Variants in RFTN1 observed in about 807,000 individuals in gnomAD.
The protein encoded by RFTN1 is raftlin, lipid raft linker 1.
A neutral mutation model predicts 46.5 loss-of-function variants in RFTN1; 26 were observed. That is an observed-to-expected ratio of 0.56 (90% CI 0.41 to 0.78). The LOEUF (loss-of-function observed/expected upper bound fraction) is 0.78, where lower values mean the gene tolerates loss of function less well. RFTN1 is among the 30% of genes least tolerant of loss of function. The probability of loss-of-function intolerance (pLI) is 0.00; values close to 1 mark genes in which losing one functional copy is unlikely to be tolerated. For missense variants in RFTN1, 693 were observed against 718.7 expected, an observed-to-expected ratio of 0.96 and a Z score of 0.41; for synonymous variants, 261 against 284.2, an observed-to-expected ratio of 0.92 and a Z score of 0.82.
rs1559843766 is a variant in RFTN1, at chr3:16,345,832, GCGCA to G, written c.1146+12096_1146+12099del. 7.7e-4 allele frequency among the ~76,000 whole-genome samples: 49 copies of G among 63,938 alleles called. No individual in the cohort carries two copies. The highest frequency in any genetic ancestry group is 2.5e-3 in the African/African-American group (39 of 15,626). 41.9% of individuals were successfully genotyped at this position (63,938 alleles called of 152,430 possible). A position where few individuals can be genotyped will look rare whatever the true frequency, so the allele number is the denominator to read the frequency against. On this transcript the variant is annotated intron_variant, in intron 7 of 9. Transcript: ENST00000334133. The surrounding 1 kb of genome is among the most constrained non-coding windows in gnomAD (Gnocchi z 5.2). The stretch of plus-strand genomic sequence containing the variant: ...TGTGTGTGTGTGCGCGCGCGCGTGC[GCGCA>G]CGCGCACATGTGCATGTGTATGTGT...
chr3:16,507,681 A>G lies in RFTN1; in HGVS notation c.-9+5761T>C, dbSNP rs905971286. ...ACATACATACACACACAATGCACAT[A>G]AACACACACATACACACACATACAT... is the stretch of plus-strand genomic sequence containing the variant. On this transcript the variant is annotated intron_variant, in intron 1 of 9. Transcript: ENST00000334133. This position sits in a 1 kb window ranked among gnomAD's most constrained non-coding sequence, Gnocchi z 7.1. 6.6e-6 allele frequency among the ~76,000 whole-genome samples: 1 copy of G among 151,482 alleles called. No individual in the cohort carries two copies. Among genetic ancestry groups the G allele is most frequent in the Non-Finnish European group, 1.5e-5 (1 of 67,830 alleles).
At chr3:16,437,121 T>C (rs1435282250) in intron 2 of RFTN1, among the ~76,000 whole-genome samples, 2 of 152,238 alleles carry the variant, frequency 1.3e-5, no homozygotes, top group African/African-American at 2.4e-5. Flanking sequence ...TTCACACAGA[T>C]AGCACATATT....
intron 8 of RFTN1, among the ~76,000 whole-genome samples, chr3:16,323,846 C>T (rs556917883): frequency 2.6e-5 from 4 of 152,186 alleles, no homozygotes; most frequent in Non-Finnish European, 5.9e-5. Context: ...GTGATGAGCT[C>T]AGCCCTCCAG....
rs1291581965 is a variant in RFTN1, at chr3:16,459,996, CAT to C, written c.146-25961_146-25960del. ...GACATTTTTGAGAACATGAATTTTC[CAT>C]ATGATTGACTTATTTCAATGCTTTG... is the stretch of plus-strand genomic sequence containing the variant. On this transcript the variant is annotated intron_variant, in intron 2 of 9. Coordinates refer to ENST00000334133, the MANE Select transcript of RFTN1 (RefSeq NM_015150.2). This position sits in a 1 kb window ranked among gnomAD's most constrained non-coding sequence, Gnocchi z 4.2. Among the ~76,000 whole-genome samples the C allele has an allele frequency of 1.3e-5, 2 of 152,022 alleles. No individual in the cohort carries two copies. Among genetic ancestry groups the C allele is most frequent in the Non-Finnish European group, 2.9e-5 (2 of 68,002 alleles).
rs188125805 is a variant in RFTN1 at position 16,383,042 on chromosome 3, T to C, written c.442-4940A>G. 1.6e-3 allele frequency among the ~76,000 whole-genome samples: 249 copies of C among 152,310 alleles called. No individual in the cohort carries two copies. The highest frequency in any genetic ancestry group is 5.7e-3 in the African/African-American group (238 of 41,580). On this transcript the variant is annotated intron_variant, in intron 4 of 9. Transcript: ENST00000334133. The surrounding 1 kb of genome is among the most constrained non-coding windows in gnomAD (Gnocchi z 4.0). ...AGCTCTTCTACAAAGAACTTTCACATGCATTCCCTTAGGCCTCAAAATCAT... is the reference window on the plus strand; with the variant it reads ...AGCTCTTCTACAAAGAACTTTCACACGCATTCCCTTAGGCCTCAAAATCAT...
At chr3:16,412,885 G>A (rs992516281) in intron 3 of RFTN1, among the ~76,000 whole-genome samples, 3 of 152,206 alleles carry the variant, frequency 2.0e-5, no homozygotes, top group Admixed American at 6.5e-5. Flanking sequence ...ACAACTACAA[G>A]GAGATGATTC....
chr3:16,345,792 G>C lies in RFTN1; in HGVS notation c.1146+12140C>G, dbSNP rs12635694. ...CCAAAACCTTATAATAAATCTCTGT[G>C]TGTGTGTGTGTGTGTGTGTGTGTGT... On this transcript the variant is annotated intron_variant, in intron 7 of 9. Coordinates refer to ENST00000334133, the MANE Select transcript of RFTN1 (RefSeq NM_015150.2). This position sits in a 1 kb window ranked among gnomAD's most constrained non-coding sequence, Gnocchi z 5.2. Among the ~76,000 whole-genome samples, 1,140 of 64,000 alleles carry C rather than the reference G, an allele frequency of 0.018. 7 individuals are homozygous for C. The highest frequency in any genetic ancestry group is 0.067 in the African/African-American group (886 of 13,270). 42.0% of individuals were successfully genotyped at this position (64,000 alleles called of 152,430 possible).
At chr3:16,326,989 C>T in intron 7 of RFTN1, 113 bp from the exon 8 acceptor site, 2 of 733,688 alleles carry the variant, frequency 2.7e-6, no homozygotes, top group Non-Finnish European at 4.5e-6. Flanking sequence ...GTGGCGGTGC[C>T]CGGCCACTCA....
chr3:16,510,740 T>A (rs2076885099), intron 1 of RFTN1, among the ~76,000 whole-genome samples: 1 of 152,180 alleles, frequency 6.6e-6, no homozygotes, highest in African/African-American at 2.4e-5. Flanking sequence ...TTTCCATATA[T>A]CTCCTTTTTG....
chr3:16,422,041 T>A lies in RFTN1; in HGVS notation c.332+11810A>T, dbSNP rs570591278. Among the ~76,000 whole-genome samples the A allele has an allele frequency of 2.0e-5, 3 of 152,272 alleles. No homozygotes were observed. The highest frequency in any genetic ancestry group is 2.1e-4 in the South Asian group (1 of 4,824). On this transcript the variant is annotated intron_variant, in intron 3 of 9. Coordinates refer to ENST00000334133, the MANE Select transcript of RFTN1 (RefSeq NM_015150.2). This position sits in a 1 kb window ranked among gnomAD's most constrained non-coding sequence, Gnocchi z 4.6. ...TCTCTCTCCTAATTTTTCAATAAAA[T>A]ATATAAAAATAGACACCTCAGTTCT...
At chr3:16,441,405 G>A (rs2075622049) in intron 2 of RFTN1, among the ~76,000 whole-genome samples, 1 of 148,430 alleles carries the variant, frequency 6.7e-6, no homozygotes, top group Non-Finnish European at 1.5e-5. Flanking sequence ...AGTAAATTTT[G>A]TTTTTGCTAT....
intron 3 of RFTN1, among the ~76,000 whole-genome samples, chr3:16,415,587 C>A (rs1227959251): frequency 1.3e-5 from 2 of 151,450 alleles, no homozygotes; most frequent in Admixed American, 6.6e-5. Context: ...ATTAATGTAG[C>A]AAGAGAAGGG....
At position 16,400,338 on chromosome 3, in the gene RFTN1, G is replaced by T. The variant is rs540481253; in HGVS notation, c.441+9037C>A. ...ACCCTCCCTCCCCTGTTGACCCTCAGGTCTTGGTATGTACACTTCATGGAG... is the reference window on the plus strand; with the variant it reads ...ACCCTCCCTCCCCTGTTGACCCTCATGTCTTGGTATGTACACTTCATGGAG... On this transcript the variant is annotated intron_variant, in intron 4 of 9. Coordinates refer to ENST00000334133, the MANE Select transcript of RFTN1 (RefSeq NM_015150.2). This position sits in a 1 kb window ranked among gnomAD's most constrained non-coding sequence, Gnocchi z 4.5. Among the ~76,000 whole-genome samples the T allele has an allele frequency of 5.9e-5, 9 of 152,234 alleles. No individual in the cohort carries two copies. In the South Asian group the frequency reaches 1.7e-3, roughly 28 times the overall value.
At position 16,387,570 on chromosome 3, in the gene RFTN1, T is replaced by TTCTCTCTCTCTCTCTCTCTCTCTCTC. The variant is rs3054539; in HGVS notation, c.442-9494_442-9469dup. On this transcript the variant is annotated intron_variant, in intron 4 of 9. Transcript: ENST00000334133. The surrounding 1 kb of genome is among the most constrained non-coding windows in gnomAD (Gnocchi z 5.2). The stretch of plus-strand genomic sequence containing the variant: ...CACTTCTCTCTTCTATATCCTCAAT[T>TTCTCTCTCTCTCTCTCTCTCTCTCTC]TCTCTCTCTCTCTCTCTCTCTCTCT... 8.0e-4 allele frequency among the ~76,000 whole-genome samples: 93 copies of TTCTCTCTCTCTCTCTCTCTCTCTCTC among 116,494 alleles called. 1 individual carries two copies. Among genetic ancestry groups the TTCTCTCTCTCTCTCTCTCTCTCTCTC allele is most frequent in the South Asian group, 1.7e-3 (6 of 3,572 alleles). The allele number at this position is 116,494 out of a possible 152,430, so 76.4% of individuals were successfully genotyped here. A position where few individuals can be genotyped will look rare whatever the true frequency, so the allele number is the denominator to read the frequency against.
intron 4 of RFTN1, among the ~76,000 whole-genome samples, chr3:16,403,005 G>A (rs1372010642): frequency 6.6e-6 from 1 of 152,202 alleles, no homozygotes; most frequent in Non-Finnish European, 1.5e-5. Flanking sequence ...ATCTGGACAA[G>A]GGCAGGGAGC....
At position 16,402,586 on chromosome 3, in the gene RFTN1, T is replaced by C. The variant is rs932688809; in HGVS notation, c.441+6789A>G. On this transcript the variant is annotated intron_variant, in intron 4 of 9. Transcript: ENST00000334133. This position sits in a 1 kb window ranked among gnomAD's most constrained non-coding sequence, Gnocchi z 4.5. ...TAAAATTAGACTCTCTGCACCGCACTTGTAGAAATGAAACTCTGAATACTC... is the reference window on the plus strand; with the variant it reads ...TAAAATTAGACTCTCTGCACCGCACCTGTAGAAATGAAACTCTGAATACTC... Among the ~76,000 whole-genome samples, 5 of 152,302 alleles carry C rather than the reference T, an allele frequency of 3.3e-5. 1 individual carries two copies. Among genetic ancestry groups the C allele is most frequent in the Admixed American group, 1.3e-4 (2 of 15,288 alleles).
At chr3:16,388,012 G>A (rs952216509) in intron 4 of RFTN1, among the ~76,000 whole-genome samples, 10 of 152,188 alleles carry the variant, frequency 6.6e-5, no homozygotes, top group Admixed American at 1.3e-4. Context: ...AAGGCTGCTC[G>A]TTTTAACTCT....
At position 16,401,415 on chromosome 3, in the gene RFTN1, G is replaced by A. The variant is rs1030088881; in HGVS notation, c.441+7960C>T. 9.2e-5 allele frequency among the ~76,000 whole-genome samples: 14 copies of A among 151,956 alleles called. 1 individual carries two copies. In the Middle Eastern group the frequency reaches 0.014, roughly 151 times the overall value. ...CTAGACACATTTACTTAAGCCCATG[G>A]CAGGAAGGCCTCTGCCTGTTTTATA... On this transcript the variant is annotated intron_variant, in intron 4 of 9. Coordinates refer to ENST00000334133, the MANE Select transcript of RFTN1 (RefSeq NM_015150.2).
intron 1 of RFTN1, 79 bp from the exon 2 acceptor site, chr3:16,493,956 C>T (rs943065831): frequency 1.4e-5 from 21 of 1,503,928 alleles, no homozygotes; most frequent in South Asian, 1.1e-4. Flanking sequence ...TAAAAGATGC[C>T]GTAATTTTCC....
Sources: gnomAD v4.1 joint callset for allele counts (sites outside exome capture counted in the v4.1 genomes callset) on GRCh38, gnomAD v4.1.1 for gene constraint, Gnocchi (gnomAD v3.1) non-coding constraint, MANE v1.5 for transcripts, NCBI Gene and HGNC (gene_info 2026-07-23, HGNC 2026-07-21) for gene names.